Variants in NEDD4L observed in about 807,000 individuals in gnomAD.
NEDD4L encodes NEDD4 like E3 ubiquitin protein ligase.
In NEDD4L, 54 loss-of-function variants were observed where a neutral mutation model predicts 148.9. The ratio of observed to expected loss-of-function variants is 0.36; its 90% CI spans 0.29 to 0.45. The LOEUF is 0.45. NEDD4L is among the 20% of genes least tolerant of loss of function. The pLI is 1.00. For missense variants in NEDD4L, 856 were observed against 1,233.8 expected (o/e 0.69, Z 4.59); for synonymous variants, 433 against 440.7 (o/e 0.98, Z 0.22).
intron 2 of NEDD4L, chr18:58,194,025 G>A (rs2147241353): frequency 6.6e-6 from 1 of 152,362 alleles, no homozygotes; most frequent in Non-Finnish European, 1.5e-5. Context: ...CATCACGCGA[G>A]GTGGGTAGGG....
At chr18:58,215,402 T>A (rs1331072460) in intron 2 of NEDD4L, among the ~76,000 whole-genome samples, 2 of 152,228 alleles carry the variant, frequency 1.3e-5, no homozygotes, top group African/African-American at 4.8e-5. Flanking sequence ...CGTGTATTTA[T>A]ATTTCCATTT....
At chr18:58,239,694 G>A (rs1298856215) in intron 2 of NEDD4L, among the ~76,000 whole-genome samples, 1 of 152,236 alleles carries the variant, frequency 6.6e-6, no homozygotes, top group Non-Finnish European at 1.5e-5. Flanking sequence ...GAAGGGTTGA[G>A]CAATGGAGCA....
chr18:58,258,874 A>G (rs1232986313), intron 5 of NEDD4L, among the ~76,000 whole-genome samples: 1 of 152,208 alleles, frequency 6.6e-6, no homozygotes, highest in Non-Finnish European at 1.5e-5. Context: ...AGCAGCTGCC[A>G]CCGCCTTACT....
At position 58,111,728 on chromosome 18, in the gene NEDD4L, A is replaced by G. The variant is rs544466802; in HGVS notation, c.49-54060A>G. Among the ~76,000 whole-genome samples the G allele has an allele frequency of 4.8e-4, 73 of 152,304 alleles. 1 individual carries two copies. The South Asian group carries it at 0.014, about 29-fold the overall frequency. Reference sequence around the variant, plus strand: ...GACCCCTGTAGAGTTTTGTTTATCCATTTATCAGTTGATGAACATTTGGAT... The same window carrying G: ...GACCCCTGTAGAGTTTTGTTTATCCGTTTATCAGTTGATGAACATTTGGAT... On this transcript the variant is annotated intron_variant, in intron 1 of 30. Transcript: ENST00000400345.
chr18:58,130,062 A>T (rs7230229), intron 1 of NEDD4L, among the ~76,000 whole-genome samples: 42,780 of 98,048 alleles, frequency 0.44, 7,276 homozygotes, highest in Middle Eastern at 0.47. Flanking sequence ...CTGTTGGAAT[A>T]TGGCTGTGAT....
At chr18:58,235,461 T>C (rs158866) in intron 2 of NEDD4L, among the ~76,000 whole-genome samples, 78,450 of 152,106 alleles carry the variant, frequency 0.52, 20,731 homozygotes, top group African/African-American at 0.64. Context: ...GGAAGTGAAG[T>C]GCAAGCCGAG....
chr18:58,100,444 A>G (rs2084682962), intron 1 of NEDD4L, among the ~76,000 whole-genome samples: 1 of 152,224 alleles, frequency 6.6e-6, no homozygotes, highest in African/African-American at 2.4e-5. Flanking sequence ...ACAGATCCAG[A>G]GGACAGCTCC....
At chr18:58,300,704 A>C (rs925712194) in intron 5 of NEDD4L, among the ~76,000 whole-genome samples, 5 of 152,222 alleles carry the variant, frequency 3.3e-5, no homozygotes, top group Non-Finnish European at 7.3e-5. Context: ...AGTTCAGTGC[A>C]GTATTACCGA....
chr18:58,211,202 A>G (rs2042570943), intron 2 of NEDD4L, among the ~76,000 whole-genome samples: 1 of 152,214 alleles, frequency 6.6e-6, no homozygotes, highest in Non-Finnish European at 1.5e-5. Context: ...ATGAGAGAAG[A>G]ATCTTACATT....
At chr18:58,249,792 A>T (rs546258455) in intron 4 of NEDD4L, among the ~76,000 whole-genome samples, 1 of 152,206 alleles carries the variant, frequency 6.6e-6, no homozygotes, top group Non-Finnish European at 1.5e-5. Flanking sequence ...TTGTGCTCCA[A>T]ACTTGGGCTA....
intron 30 of NEDD4L, among the ~76,000 whole-genome samples, chr18:58,392,241 T>C (rs1302351462): frequency 1.3e-5 from 2 of 152,210 alleles, no homozygotes; most frequent in African/African-American, 4.8e-5. Flanking sequence ...CCCATGTCCC[T>C]CGTGTTGGTT....
At chr18:58,171,717 A>G (rs1416784817) in intron 2 of NEDD4L, among the ~76,000 whole-genome samples, 1 of 152,180 alleles carries the variant, frequency 6.6e-6, no homozygotes, top group Admixed American at 6.5e-5. Context: ...ATTGTCATGG[A>G]GGTCCCATTG....
rs1367057395 is a variant in NEDD4L at position 58,263,042 on chromosome 18, A to AGT, written c.297+10988_297+10989insGT. ...ACAGTGATTAAATCTCTGTGAAGGG[A>AGT]CAGGTCATGAAATCAAATAAAAGGA... On this transcript the variant is annotated intron_variant, in intron 5 of 30. Transcript: ENST00000400345. 2.0e-5 allele frequency among the ~76,000 whole-genome samples: 3 copies of AGT among 152,310 alleles called. No individual in the cohort carries two copies. The East Asian group carries it at 5.8e-4, about 29-fold the overall frequency.
At chr18:58,193,832 G>T (rs1023951815) in intron 2 of NEDD4L, 1 of 152,254 alleles carries the variant, frequency 6.6e-6, no homozygotes, top group Non-Finnish European at 1.5e-5. Flanking sequence ...TCAGGGACCA[G>T]CTCAAAGGCT....
intron 5 of NEDD4L, among the ~76,000 whole-genome samples, chr18:58,293,200 C>G (rs957284411): frequency 6.6e-6 from 1 of 152,198 alleles, no homozygotes; most frequent in African/African-American, 2.4e-5. Context: ...TGAGTAGCTG[C>G]TACAGCCCAT....
chr18:58,228,282 C>T (rs1249688042), intron 2 of NEDD4L, among the ~76,000 whole-genome samples: 1 of 152,214 alleles, frequency 6.6e-6, no homozygotes, highest in East Asian at 1.9e-4. Context: ...AGGCTTCTGC[C>T]AACAGGAGTG....
intron 2 of NEDD4L, among the ~76,000 whole-genome samples, chr18:58,244,672 T>C (rs2047031467): frequency 6.6e-6 from 1 of 152,168 alleles, no homozygotes; most frequent in Non-Finnish European, 1.5e-5. Context: ...GATTTGTTTT[T>C]TTATGTTTTT....
In NEDD4L at chr18:58,362,872, C is replaced by A. The variant is rs146917305; in HGVS notation, c.1768-1396C>A. On this transcript the variant is annotated intron_variant, in intron 19 of 30. Coordinates refer to ENST00000400345, the MANE Select transcript of NEDD4L (RefSeq NM_001144967.3). ...TTGGCTTATGTCAGAACATTGTATT[C>A]TTTTTCTTATTTTGGTGGTTGTCCA... Among the ~76,000 whole-genome samples the A allele has an allele frequency of 1.4e-4, 22 of 152,266 alleles. No individual in the cohort carries two copies. The East Asian group carries it at 3.5e-3, about 24-fold the overall frequency.
At chr18:58,106,083 A>T (rs1403900823) in intron 1 of NEDD4L, among the ~76,000 whole-genome samples, 1 of 152,236 alleles carries the variant, frequency 6.6e-6, no homozygotes, top group African/African-American at 2.4e-5. Context: ...GTGGAGAGTG[A>T]GAGGAGCAGC....
Sources: gnomAD v4.1 joint callset for allele counts (sites outside exome capture counted in the v4.1 genomes callset) on GRCh38, gnomAD v4.1.1 for gene constraint, MANE v1.5 for transcripts, NCBI Gene and HGNC (gene_info 2026-07-23, HGNC 2026-07-21) for gene names.